The following ACTB variants were observed in gnomAD, a reference collection of about 807,000 sequenced individuals.
ACTB encodes the protein actin, cytoplasmic 1.
Under a neutral mutation model 30.5 loss-of-function variants are expected in ACTB, and 2 were observed. That is an observed-to-expected ratio of 0.07 (90% confidence interval 0.03 to 0.21). The LOEUF is 0.21. ACTB is among the 10% of genes least tolerant of loss of function. ACTB has a pLI of 1.00. For missense variants in ACTB, 56 were observed against 530.0 expected (o/e 0.11, Z 8.78); for synonymous variants, 335 against 217.6 (o/e 1.54, Z -4.75).
chr7:5,527,930 G>A (rs372296865), intron 5 of ACTB, 39 bp from the exon 6 acceptor site: 248 of 1,612,944 alleles, frequency 1.5e-4, no homozygotes, highest in Non-Finnish European at 2.0e-4. Context: ...GACCCTGGAT[G>A]TGACAGCTCC....
chr7:5,527,362 A>C lies in ACTB; in HGVS notation c.*386T>G. The C allele has an allele frequency of 3.5e-6, 1 of 285,964 alleles. No individual in the cohort carries two copies. Among genetic ancestry groups the C allele is most frequent in the Non-Finnish European group, 6.8e-6 (1 of 147,958 alleles). 17.7% of individuals were successfully genotyped at this position (285,964 alleles called of 1,614,324 possible). ...GAAGATTAAAAAAATTTTGCATTACATAATTTACACGAAAGCAATGCTATC... is the reference window on the plus strand; with the variant it reads ...GAAGATTAAAAAAATTTTGCATTACCTAATTTACACGAAAGCAATGCTATC... On this transcript the variant is annotated 3_prime_UTR_variant, in exon 6 of 6. Transcript: ENST00000646664.
chr7:5,528,741 T>A, intron 3 of ACTB, 22 bp from the exon 4 acceptor site: 1 of 1,612,356 alleles, frequency 6.2e-7, no homozygotes, highest in Non-Finnish European at 8.5e-7. Context: ...AGATACACCA[T>A]GTCACACTGG....
intron 1 of ACTB, among the ~76,000 whole-genome samples, chr7:5,530,135 G>A (rs1051412794): frequency 6.6e-6 from 1 of 151,932 alleles, no homozygotes; most frequent in Non-Finnish European, 1.5e-5. Context: ...AATTCCCAGC[G>A]CGCACGCAGT....
At chr7:5,529,802 T>C (rs1466697128) in intron 1 of ACTB, 139 bp from the exon 2 acceptor site, 3 of 1,404,424 alleles carry the variant, frequency 2.1e-6, no homozygotes, top group Admixed American at 2.0e-5. Flanking sequence ...GGCCGCGTTA[T>C]TACCATAAAA....
At position 5,528,459 on chromosome 7, in the gene ACTB, G is replaced by A. The variant is rs144865943; in HGVS notation, c.624C>T (p.Ile208=). The A allele has an allele frequency of 3.1e-5, 50 of 1,614,112 alleles. No homozygotes were observed. Among genetic ancestry groups the A allele is most frequent in the African/African-American group, 2.0e-4 (15 of 75,060 alleles). The change falls in exon 4 of 6, where the codon ATC becomes ATT. Residue 208 remains isoleucine (I), a synonymous_variant. Transcript: ENST00000646664. ...ACAGCTTCTCCTTAATGTCACGCAC[G>A]ATTTCCCGCTCGGCCGTGGTGGTGA... ...YSFTTTAERE[I]VRDIKEKLCY...
chr7:5,528,804 G>A (rs1219610530), intron 3 of ACTB, 85 bp from the exon 4 acceptor site: 53 of 1,527,186 alleles, frequency 3.5e-5, no homozygotes, highest in East Asian at 1.8e-4. Flanking sequence ...AAAGTGCAAA[G>A]AACACGGCTA....
At position 5,528,297 on chromosome 7, in the gene ACTB, G is replaced by C; in HGVS notation, c.786C>G (p.Phe262Leu). The C allele has an allele frequency of 6.2e-7, 1 of 1,614,196 alleles. No individual in the cohort carries two copies. The highest frequency in any genetic ancestry group is 8.5e-7 in the Non-Finnish European group (1 of 1,180,044). ...TCCACTCACCCAGGAAGGAAGGCTGGAAGAGTGCCTCAGGGCAGCGGAACC... is the reference window on the plus strand; with the variant it reads ...TCCACTCACCCAGGAAGGAAGGCTGCAAGAGTGCCTCAGGGCAGCGGAACC... Reference protein sequence around the residue: ...NERFRCPEALFQPSFLGMESC... With the variant: ...NERFRCPEALLQPSFLGMESC... The change falls in exon 4 of 6, where the codon TTC becomes TTG. Residue 262 changes from phenylalanine (F) to leucine (L), a missense_variant. Phe to Leu is a conservative substitution (Grantham distance 22). Transcript: ENST00000646664.
intron 1 of ACTB, 121 bp from the exon 2 acceptor site, chr7:5,529,784 G>T: frequency 1.4e-6 from 2 of 1,480,236 alleles, no homozygotes; most frequent in Non-Finnish European, 1.9e-6. Flanking sequence ...GACAAAGGAA[G>T]CCGGGCCGGC....
At position 5,529,034 on chromosome 7, in the gene ACTB, G is replaced by T. The variant is rs13447400; in HGVS notation, c.363+127C>A. The T allele has an allele frequency of 1.4e-3, 2,293 of 1,612,436 alleles. 25 individuals carry two copies. In the African/African-American group the frequency reaches 0.027, roughly 19 times the overall value. On this transcript the variant is annotated intron_variant, in intron 3 of 5. Coordinates refer to ENST00000646664, the MANE Select transcript of ACTB (RefSeq NM_001101.5). ...CAAATAGAACCTGCAGAGTTCCAAA[G>T]GAGACTCAGGTCAGAGAAGAGAGTC...
chr7:5,530,489 T>A (rs951111859), intron 1 of ACTB, 35 bp downstream of exon 1: 3 of 63,904 alleles, frequency 4.7e-5, no homozygotes, highest in African/African-American at 1.3e-4. Flanking sequence ...GGCCGGGCCG[T>A]GAGCCGCCTG....
At chr7:5,529,093 A>T (rs951845713) in intron 3 of ACTB, 68 bp downstream of exon 3, 22 of 1,613,494 alleles carry the variant, frequency 1.4e-5, no homozygotes, top group Non-Finnish European at 1.8e-5. Context: ...AACCAGTGAG[A>T]AAGGGCGCAG....
At position 5,527,273 on chromosome 7, in the gene ACTB, A is replaced by C. The variant is rs1271173581; in HGVS notation, c.*475T>G. On this transcript the variant is annotated 3_prime_UTR_variant, in exon 6 of 6. Coordinates refer to ENST00000646664, the MANE Select transcript of ACTB (RefSeq NM_001101.5). Reference sequence around the variant, plus strand: ...TACATCTCAAGTTGGGGGACAAAAAAGGGGGAAGGGGGGGCACGAAGGCTC... The same window carrying C: ...TACATCTCAAGTTGGGGGACAAAAACGGGGGAAGGGGGGGCACGAAGGCTC... 1.6e-5 allele frequency: 4 copies of C among 242,954 alleles called. No homozygotes were observed. The East Asian group carries it at 4.9e-4, about 30-fold the overall frequency. 15.0% of individuals were successfully genotyped at this position (242,954 alleles called of 1,614,324 possible).
intron 1 of ACTB, 74 bp from the exon 2 acceptor site, chr7:5,529,737 A>G: frequency 6.2e-7 from 1 of 1,603,214 alleles, no homozygotes; most frequent in South Asian, 1.1e-5. Context: ...CCGAGTCCTT[A>G]GGCCGCCAGG....
rs536327578 is a variant in ACTB, at chr7:5,529,599, C to T, written c.59G>A (p.Gly20Asp). 2 of 1,611,474 alleles carry T rather than the reference C, an allele frequency of 1.2e-6. No individual in the cohort carries two copies. The highest frequency in any genetic ancestry group is 2.7e-5 in the African/African-American group (2 of 75,006). The change falls in exon 2 of 6, where the codon GGC becomes GAC. Residue 20 changes from glycine (G) to aspartate (D), a missense_variant. Physicochemically the swap from Gly to Asp is moderately conservative, Grantham distance 94. Coordinates refer to ENST00000646664, the MANE Select transcript of ACTB (RefSeq NM_001101.5). ...VDNGSGMCKA[G>D]FAGDDAPRAV... Reference sequence around the variant, plus strand: ...CCGGGGGGCATCGTCGCCCGCGAAGCCGGCCTTGCACATGCCGGAGCCGTT... The same window carrying T: ...CCGGGGGGCATCGTCGCCCGCGAAGTCGGCCTTGCACATGCCGGAGCCGTT...
In ACTB at chr7:5,527,700, G is replaced by A. The variant is rs1163260391; in HGVS notation, c.*48C>T. ...CAATCTCATCTTGTTTTCTGCGCAA[G>A]TTAGGTTTTGTCAAGAAAGGGTGTA... On this transcript the variant is annotated 3_prime_UTR_variant, in exon 6 of 6. Transcript: ENST00000646664. 2 of 1,611,494 alleles carry A rather than the reference G, an allele frequency of 1.2e-6. No homozygotes were observed. Among genetic ancestry groups the A allele is most frequent in the Non-Finnish European group, 1.7e-6 (2 of 1,179,390 alleles).
At position 5,527,343 on chromosome 7, in the gene ACTB, T is replaced by G; in HGVS notation, c.*405A>C. 2 of 262,524 alleles carry G rather than the reference T, an allele frequency of 7.6e-6. No homozygotes were observed. The highest frequency in any genetic ancestry group is 7.6e-5 in the South Asian group (2 of 26,428). The allele number at this position is 262,524 out of a possible 1,614,324, so 16.3% of individuals were successfully genotyped here. A position where few individuals can be genotyped will look rare whatever the true frequency, so the allele number is the denominator to read the frequency against. On this transcript the variant is annotated 3_prime_UTR_variant, in exon 6 of 6. Coordinates refer to ENST00000646664, the MANE Select transcript of ACTB (RefSeq NM_001101.5). ...AATAAAAAAGTATTAAGGCGAAGATTAAAAAAATTTTGCATTACATAATTT... is the reference window on the plus strand; with the variant it reads ...AATAAAAAAGTATTAAGGCGAAGATGAAAAAAATTTTGCATTACATAATTT...
At chr7:5,529,107 CG>C (rs1562719623) in intron 3 of ACTB, 53 bp downstream of exon 3, 1 of 1,613,542 alleles carries the variant, frequency 6.2e-7, no homozygotes. Flanking sequence ...GGCGCAGCTC[CG>C]GGAGGCCAGG....
intron 3 of ACTB, 106 bp downstream of exon 3, chr7:5,529,055 G>C (rs760078095): frequency 6.5e-5 from 105 of 1,613,022 alleles, no homozygotes; most frequent in Middle Eastern, 1.6e-4. Flanking sequence ...TCAGAGAAGA[G>C]AGTCCTACGG....
chr7:5,528,525 A>G lies in ACTB; in HGVS notation c.558T>C (p.Thr186=). The G allele has an allele frequency of 6.2e-7, 1 of 1,614,070 alleles. No homozygotes were observed. Among genetic ancestry groups the G allele is most frequent in the Non-Finnish European group, 8.5e-7 (1 of 1,180,046 alleles). The part of the protein sequence containing the change: ...LRLDLAGRDL[T]DYLMKILTER... ...CGGTGAGGATCTTCATGAGGTAGTC[A>G]GTCAGGTCCCGGCCAGCCAGGTCCA... The change falls in exon 4 of 6, where the codon ACT becomes ACC. Residue 186 remains threonine (T), a synonymous_variant. Transcript: ENST00000646664.
Sources: gnomAD v4.1 joint callset for allele counts (sites outside exome capture counted in the v4.1 genomes callset) on GRCh38, gnomAD v4.1.1 for gene constraint, MANE v1.5 for transcripts, NCBI Gene and HGNC (gene_info 2026-07-23, HGNC 2026-07-21) for gene names.